The following SLC8A3 variants were observed in gnomAD, a reference collection of about 807,000 sequenced individuals.
The protein encoded by SLC8A3 is solute carrier family 8 member A3, also known as sodium/calcium exchanger 3.
Under a neutral mutation model 65.4 loss-of-function variants are expected in SLC8A3, and 37 were observed. The observed-to-expected ratio is 0.57, with a 90% confidence interval of 0.44 to 0.74. SLC8A3 has a LOEUF of 0.74. Ranked by LOEUF, SLC8A3 falls within the 30% of genes least tolerant of loss-of-function variation. The pLI is 0.00. For synonymous variants in SLC8A3, 461 were observed against 444.5 expected (o/e 1.04, Z -0.47); for missense variants, 1,112 against 1,172.1 (o/e 0.95, Z 0.75).
intron 2 of SLC8A3, among the ~76,000 whole-genome samples, chr14:70,072,267 G>C (rs1037995776): frequency 6.6e-6 from 1 of 152,152 alleles, no homozygotes; most frequent in Non-Finnish European, 1.5e-5. Flanking sequence ...TAGAGGGAAA[G>C]GGACATCTGA....
intron 2 of SLC8A3, among the ~76,000 whole-genome samples, chr14:70,068,222 A>G (rs1194452052): frequency 6.6e-6 from 1 of 152,164 alleles, no homozygotes; most frequent in Non-Finnish European, 1.5e-5. Flanking sequence ...GTTCCTTTAG[A>G]GTGAAAGTGG....
Position 70,166,888 on chromosome 14 carries a change from A to T in SLC8A3, c.1535T>A (p.Val512Asp), listed in dbSNP as rs761942163. The T allele has an allele frequency of 2.5e-6, 4 of 1,614,064 alleles. No homozygotes were observed. Among genetic ancestry groups the T allele is most frequent in the Admixed American group, 3.3e-5 (2 of 60,002 alleles). ...TGTGGCCACACAAGGGGAGGCTAGGACAGCCCGAGGCAAGGGAAGACTGTT... is the reference window on the plus strand; with the variant it reads ...TGTGGCCACACAAGGGGAGGCTAGGTCAGCCCGAGGCAAGGGAAGACTGTT... ...IFNSLPLPRA[V>D]LASPCVATVT... Residue 512 changes from valine (V) to aspartate (D), a missense_variant, in exon 2 of 7, where the codon GTC becomes GAC. Val to Asp is a radical substitution (Grantham distance 152). Transcript: ENST00000356921.
chr14:70,082,533 T>C (rs8020358), intron 2 of SLC8A3, among the ~76,000 whole-genome samples: 11,554 of 152,272 alleles, frequency 0.076, 521 homozygotes, highest in Non-Finnish European at 0.11. Flanking sequence ...GAGATCCCAT[T>C]TCCTGAAGAA....
chr14:70,105,876 A>T (rs1892835525), intron 2 of SLC8A3, among the ~76,000 whole-genome samples: 1 of 152,186 alleles, frequency 6.6e-6, no homozygotes, highest in African/African-American at 2.4e-5. Flanking sequence ...AGCATACAAA[A>T]AGGATAACAC....
At chr14:70,119,283 T>A (rs1171773514) in intron 2 of SLC8A3, among the ~76,000 whole-genome samples, 2 of 152,086 alleles carry the variant, frequency 1.3e-5, no homozygotes, top group African/African-American at 4.8e-5. Context: ...GGGAAAACAC[T>A]CTCTTTTTAC....
At chr14:70,178,017 C>T (rs1882383166) in intron 1 of SLC8A3, among the ~76,000 whole-genome samples, 1 of 152,074 alleles carries the variant, frequency 6.6e-6, no homozygotes, top group African/African-American at 2.4e-5. Context: ...AAGGAGAATC[C>T]ATGTAAGTTG....
intron 2 of SLC8A3, among the ~76,000 whole-genome samples, chr14:70,063,558 A>G (rs186374588): frequency 3.4e-4 from 52 of 152,346 alleles, no homozygotes; most frequent in Admixed American, 2.7e-3. Flanking sequence ...TCCTTATCCC[A>G]GAACAATTAC....
intron 2 of SLC8A3, among the ~76,000 whole-genome samples, chr14:70,070,230 G>C (rs1889885050): frequency 1.3e-5 from 2 of 152,164 alleles, no homozygotes; most frequent in African/African-American, 4.8e-5. Context: ...TTTTGTGCTA[G>C]GCAGAGCTCT....
At chr14:70,138,449 G>GATGCTTCTT (rs1165225967) in intron 2 of SLC8A3, among the ~76,000 whole-genome samples, 1 of 152,222 alleles carries the variant, frequency 6.6e-6, no homozygotes, top group Non-Finnish European at 1.5e-5. Context: ...CGATGTGACA[G>GATGCTTCTT]ATGCTTCTTT....
At chr14:70,067,467 C>A (rs954734020) in intron 2 of SLC8A3, among the ~76,000 whole-genome samples, 10 of 152,210 alleles carry the variant, frequency 6.6e-5, no homozygotes, top group African/African-American at 2.4e-4. Flanking sequence ...CAAGATCAAG[C>A]AAGTTCTTGT....
At chr14:70,180,897 C>T (rs1158885603) in intron 1 of SLC8A3, among the ~76,000 whole-genome samples, 2 of 152,188 alleles carry the variant, frequency 1.3e-5, no homozygotes, top group African/African-American at 4.8e-5. Context: ...ACTGGCTGGA[C>T]AGCTGAGTTG....
chr14:70,056,069 C>T (rs940650002), intron 3 of SLC8A3, among the ~76,000 whole-genome samples: 11 of 152,126 alleles, frequency 7.2e-5, no homozygotes, highest in South Asian at 2.1e-4. Context: ...TATGCTTTCC[C>T]GGCTACCCTA....
chr14:70,167,573 C>T lies in SLC8A3; in HGVS notation c.850G>A (p.Gly284Ser). 1 of 1,614,060 alleles carries T rather than the reference C, an allele frequency of 6.2e-7. No homozygotes were observed. The highest frequency in any genetic ancestry group is 8.5e-7 in the Non-Finnish European group (1 of 1,180,018). Residue 284 changes from glycine to serine, a missense_variant, in exon 2 of 7, where the codon GGC (glycine) becomes AGC (serine). Transcript: ENST00000356921. ...ATCATTTTCCCATCCATCTCAATGC[C>T]CTTAGGGTGGTCACCCTCTGTCTCT... ...IIETEGDHPK[G>S]IEMDGKMMNS... is the part of the protein sequence containing the mutation.
At chr14:70,131,745 T>C (rs1894840406) in intron 2 of SLC8A3, among the ~76,000 whole-genome samples, 1 of 152,194 alleles carries the variant, frequency 6.6e-6, no homozygotes, top group African/African-American at 2.4e-5. Context: ...AGGAAGACAT[T>C]GTATATGCGT....
At chr14:70,075,277 T>C (rs1890390936) in intron 2 of SLC8A3, among the ~76,000 whole-genome samples, 1 of 152,186 alleles carries the variant, frequency 6.6e-6, no homozygotes. Flanking sequence ...TGTTCGTCTC[T>C]TCCTTCACTC....
intron 2 of SLC8A3, among the ~76,000 whole-genome samples, chr14:70,140,111 G>A (rs1321821840): frequency 6.6e-6 from 1 of 152,082 alleles, no homozygotes; most frequent in Non-Finnish European, 1.5e-5. Flanking sequence ...AAATGGAAGG[G>A]CAGAATAATT....
chr14:70,187,638 TG>T (rs752953377), intron 1 of SLC8A3, among the ~76,000 whole-genome samples: 3,030 of 135,900 alleles, frequency 0.022, 54 homozygotes, highest in Middle Eastern at 0.056. Flanking sequence ...TGTGTGTGTG[TG>T]TCCGCGCGCG....
At chr14:70,177,046 C>T (rs912634325) in intron 1 of SLC8A3, among the ~76,000 whole-genome samples, 1 of 152,226 alleles carries the variant, frequency 6.6e-6, no homozygotes, top group Non-Finnish European at 1.5e-5. Flanking sequence ...CTGAATTATG[C>T]TGAGAAGGTT....
Position 70,105,687 on chromosome 14 carries a change from C to A in SLC8A3, c.1785-44748G>T, listed in dbSNP as rs555482367. ...TCTGAAACAAATAATTTCAACGTTGCATAAATTCTTTCAGAAGATAAAGGT... is the reference window on the plus strand; with the variant it reads ...TCTGAAACAAATAATTTCAACGTTGAATAAATTCTTTCAGAAGATAAAGGT... On this transcript the variant is annotated intron_variant, in intron 2 of 6. Transcript: ENST00000356921. Among the ~76,000 whole-genome samples, 11 of 152,228 alleles carry A rather than the reference C, an allele frequency of 7.2e-5. 1 individual carries two copies. In the South Asian group the frequency reaches 2.3e-3, roughly 32 times the overall value.
Sources: gnomAD v4.1 joint callset for allele counts (sites outside exome capture counted in the v4.1 genomes callset) on GRCh38, gnomAD v4.1.1 for gene constraint, MANE v1.5 for transcripts, NCBI Gene and HGNC (gene_info 2026-07-23, HGNC 2026-07-21) for gene names.